Variants in SLC2A9 observed in about 807,000 individuals in gnomAD.
The protein encoded by SLC2A9 is solute carrier family 2 member 9.
Under a neutral mutation model 50.6 loss-of-function variants are expected in SLC2A9, and 39 were observed. That is an observed-to-expected ratio of 0.77 (90% CI 0.60 to 1.01). The LOEUF is 1.01. Among genes scored for constraint, SLC2A9 ranks in the 50% least tolerant of loss-of-function variants. The pLI is 0.00. For synonymous variants in SLC2A9, 324 were observed against 276.9 expected, an observed-to-expected ratio of 1.17 and a Z score of -1.69; for missense variants, 686 against 677.6, an observed-to-expected ratio of 1.01 and a Z score of -0.14.
At chr4:9,924,820 CT>C (rs1427259129) in intron 6 of SLC2A9, among the ~76,000 whole-genome samples, 1 of 152,214 alleles carries the variant, frequency 6.6e-6, no homozygotes, top group Non-Finnish European at 1.5e-5. Flanking sequence ...CCTTCCGTGT[CT>C]GATTTGTCTG....
chr4:9,926,835 A>G (rs2110130628), intron 6 of SLC2A9, among the ~76,000 whole-genome samples: 1 of 152,188 alleles, frequency 6.6e-6, no homozygotes, highest in Middle Eastern at 3.4e-3. Context: ...AGGAGAAGAG[A>G]CACAGATAGA....
chr4:9,805,914 CT>C (rs1722060175), intron 3 of SLC2A9, among the ~76,000 whole-genome samples: 1 of 152,178 alleles, frequency 6.6e-6, no homozygotes. Flanking sequence ...CCCCATTTCA[CT>C]GGTGAAGAAT....
rs150045473 is a variant in SLC2A9 at position 9,846,809 on chromosome 4, A to G, written c.1292-11801T>C. 2.6e-3 allele frequency among the ~76,000 whole-genome samples: 399 copies of G among 152,304 alleles called. 2 individuals carry two copies. The highest frequency in any genetic ancestry group is 4.4e-3 in the Non-Finnish European group (298 of 68,022). ...GCACACCCAAACTTTTCCTTAATTC[A>G]TATTTATTAAAATTATTCCAGTGGA... On this transcript the variant is annotated intron_variant, in intron 10 of 11. Transcript: ENST00000264784.
At chr4:9,861,485 CA>C (rs1405801179) in intron 10 of SLC2A9, among the ~76,000 whole-genome samples, 1 of 152,102 alleles carries the variant, frequency 6.6e-6, no homozygotes, top group Non-Finnish European at 1.5e-5. Context: ...TTGGTGGGGA[CA>C]CAACTCCAAA....
chr4:9,844,839 CTACT>C (rs1287102769), intron 10 of SLC2A9, among the ~76,000 whole-genome samples: 2 of 152,144 alleles, frequency 1.3e-5, no homozygotes, highest in African/African-American at 2.4e-5. Flanking sequence ...ACAATAGTTC[CTACT>C]TAGTTTTGTT....
At chr4:9,888,862 G>T (rs1483365170) in intron 9 of SLC2A9, among the ~76,000 whole-genome samples, 1 of 152,142 alleles carries the variant, frequency 6.6e-6, no homozygotes, top group East Asian at 1.9e-4. Context: ...GGGGTTGAGA[G>T]GAGCTTCATG....
Position 10,021,354 on chromosome 4 carries a change from G to T in SLC2A9, c.76C>A (p.Pro26Thr), listed in dbSNP as rs1763486179. 1.9e-6 allele frequency: 3 copies of T among 1,614,238 alleles called. No individual in the cohort carries two copies. Among genetic ancestry groups the T allele is most frequent in the South Asian group, 2.2e-5 (2 of 91,092 alleles). The change falls in exon 1 of 12, where the codon CCT becomes ACT. Residue 26 changes from proline (P) to threonine (T), a missense_variant. Transcript: ENST00000264784. ...AGCAGTGCCCTCCCTGGCCCTGGAGGCCCGGCGTGGCTGGTGTCATCTGTG... is the reference window on the plus strand; with the variant it reads ...AGCAGTGCCCTCCCTGGCCCTGGAGTCCCGGCGTGGCTGGTGTCATCTGTG... Reference protein sequence around the residue: ...PLTDDTSHAGPPGPGRALLEC... With the variant: ...PLTDDTSHAGTPGPGRALLEC...
chr4:9,990,216 C>T (rs1284394070), intron 3 of SLC2A9, among the ~76,000 whole-genome samples: 1 of 151,972 alleles, frequency 6.6e-6, no homozygotes, highest in Non-Finnish European at 1.5e-5. Context: ...GATGAGGGAA[C>T]GGAAAGTGTG....
chr4:9,796,849 G>A (rs921052049), downstream of SLC2A9, among the ~76,000 whole-genome samples: 1 of 152,166 alleles, frequency 6.6e-6, no homozygotes, highest in Non-Finnish European at 1.5e-5. Context: ...CAGAGGCCAT[G>A]CAGGAATGTT....
intron 10 of SLC2A9, chr4:9,879,808 A>T (rs1170539502): frequency 7.9e-5 from 78 of 985,306 alleles, no homozygotes; most frequent in Non-Finnish European, 8.3e-5. Context: ...TTCTTTTTTT[A>T]AAAGGTGAAG....
chr4:9,996,766 C>G lies in SLC2A9; in HGVS notation c.410+15G>C, dbSNP rs756992948. On this transcript the variant is annotated intron_variant, in intron 3 of 11. Transcript: ENST00000264784. ...CATGGAGGGCACCCCCAGATAGAGA[C>G]AGCCTCCTACTGACCTCCCAAGAAC... is the stretch of plus-strand genomic sequence containing the variant. 5 of 1,612,944 alleles carry G rather than the reference C, an allele frequency of 3.1e-6. No individual in the cohort carries two copies. The East Asian group carries it at 1.1e-4, about 36-fold the overall frequency.
intron 3 of SLC2A9, chr4:9,782,726 A>T (rs1718635653): frequency 6.2e-7 from 1 of 1,613,984 alleles, no homozygotes; most frequent in South Asian, 1.1e-5. Flanking sequence ...CTCGCTCATC[A>T]GCTTCTACAT....
intron 5 of SLC2A9, among the ~76,000 whole-genome samples, chr4:9,969,655 G>A (rs1753582658): frequency 6.6e-6 from 1 of 152,198 alleles, no homozygotes; most frequent in African/African-American, 2.4e-5. Flanking sequence ...AGTTCCCCAT[G>A]GCTGGGGAGG....
intron 3 of SLC2A9, among the ~76,000 whole-genome samples, chr4:9,786,286 A>T (rs1268365091): frequency 2.0e-5 from 3 of 152,192 alleles, no homozygotes; most frequent in Admixed American, 2.0e-4. Context: ...AGGCTAAATA[A>T]CCAGCCTGTG....
chr4:10,031,022 G>A (rs1411623283), intron 1 of SLC2A9, among the ~76,000 whole-genome samples: 1 of 152,220 alleles, frequency 6.6e-6, no homozygotes, highest in Admixed American at 6.5e-5. Flanking sequence ...AGAAAAGTGA[G>A]TGGCCCTGCC....
rs1167608080 is a variant in SLC2A9 at position 10,019,090 on chromosome 4, C to A, written c.151-17G>T. ...GGACCAGTCCTGAGGGGAGAGGAAA[C>A]CACGTCAGAGCCGGCACCGGGCGCG... On this transcript the variant is annotated splice_polypyrimidine_tract_variant and intron_variant, in intron 1 of 11. Transcript: ENST00000264784. The A allele has an allele frequency of 6.5e-7, 1 of 1,549,730 alleles. No homozygotes were observed. The highest frequency in any genetic ancestry group is 1.2e-5 in the South Asian group (1 of 84,006).
chr4:9,796,515 T>G (rs113406918), downstream of SLC2A9, among the ~76,000 whole-genome samples: 267 of 152,358 alleles, frequency 1.8e-3, no homozygotes, highest in African/African-American at 6.1e-3. Context: ...ATGAGATTCT[T>G]TATATAAAGG....
In SLC2A9 at chr4:9,826,513, T is replaced by A; in HGVS notation, c.1507A>T (p.Lys503Ter). Reference sequence around the variant, plus strand: ...CTGATTTCTGCATAGGTTCTGTTTTTGGTCTCAGGCAGCACAAAATACAGG... The same window carrying A: ...CTGATTTCTGCATAGGTTCTGTTTTAGGTCTCAGGCAGCACAAAATACAGG... ...IYLYFVLPET[K>*]NRTYAEISQA... is the part of the protein sequence containing the mutation. The change falls in exon 12 of 12, where the codon AAA (lysine) becomes TAA (stop). Residue 503 changes from lysine (K) to a stop codon, truncating the protein, a stop_gained. Coordinates refer to ENST00000264784, the MANE Select transcript of SLC2A9 (RefSeq NM_020041.3). LOFTEE classifies it low-confidence loss of function (END_TRUNC). 1 of 1,614,166 alleles carries A rather than the reference T, an allele frequency of 6.2e-7. No individual in the cohort carries two copies. The highest frequency in any genetic ancestry group is 8.5e-7 in the Non-Finnish European group (1 of 1,179,988).
At chr4:9,968,779 T>A (rs1753441680) in intron 5 of SLC2A9, among the ~76,000 whole-genome samples, 1 of 152,200 alleles carries the variant, frequency 6.6e-6, no homozygotes, top group African/African-American at 2.4e-5. Flanking sequence ...TTTTAGTAAC[T>A]GGCCTAAGAA....
Sources: gnomAD v4.1 joint callset for allele counts (sites outside exome capture counted in the v4.1 genomes callset) on GRCh38, gnomAD v4.1.1 for gene constraint, MANE v1.5 for transcripts, NCBI Gene and HGNC (gene_info 2026-07-23, HGNC 2026-07-21) for gene names.